GNG7: variants seen among roughly 807,000 people sequenced by gnomAD.
The protein encoded by GNG7 is G protein subunit gamma 7, also known as guanine nucleotide-binding protein G(I)/G(S)/G(O) subunit gamma-7.
Under a neutral mutation model 4.0 loss-of-function variants are expected in GNG7, and 1 was observed. The ratio of observed to expected loss-of-function variants is 0.25; its 90% CI spans 0.09 to 1.18. The LOEUF (loss-of-function observed/expected upper bound fraction) is 1.18, where lower values mean the gene tolerates loss of function less well. Among genes scored for constraint, GNG7 ranks in the 50% most tolerant of loss-of-function variants. GNG7 has a pLI of 0.50. For missense variants in GNG7, 86 were observed against 91.9 expected (o/e 0.94, Z 0.26); for synonymous variants, 34 against 36.9 (o/e 0.92, Z 0.29).
At chr19:2,621,856 C>G (rs1599426409) in intron 2 of GNG7, among the ~76,000 whole-genome samples, 2 of 152,068 alleles carry the variant, frequency 1.3e-5, no homozygotes, top group African/African-American at 4.8e-5. Context: ...CCTGTAGCGC[C>G]CAGGGGAGCA....
intron 2 of GNG7, among the ~76,000 whole-genome samples, chr19:2,635,638 A>C (rs1256793434): frequency 6.7e-6 from 1 of 149,612 alleles, no homozygotes. Flanking sequence ...GCTGTAGTGC[A>C]ATGGTGCAAT....
intron 3 of GNG7, among the ~76,000 whole-genome samples, chr19:2,528,613 C>G (rs1345087825): frequency 6.6e-6 from 1 of 152,118 alleles, no homozygotes; most frequent in Non-Finnish European, 1.5e-5. Context: ...GGAGTCTTCC[C>G]CCAGATGTGA....
chr19:2,673,052 C>G (rs915783558), intron 1 of GNG7, among the ~76,000 whole-genome samples: 1 of 149,360 alleles, frequency 6.7e-6, no homozygotes, highest in African/African-American at 2.5e-5. Context: ...GTCAGGAGAT[C>G]GAGACCATCC....
In GNG7 at chr19:2,683,655, A is replaced by C. The variant is rs1001237636; in HGVS notation, c.-135+18991T>G. The C allele has an allele frequency of 2.0e-5, 3 of 152,560 alleles. No homozygotes were observed. In the East Asian group the frequency reaches 5.8e-4, roughly 29 times the overall value. The allele number at this position is 152,560 out of a possible 1,614,324, so 9.5% of individuals were successfully genotyped here. On this transcript the variant is annotated intron_variant, in intron 1 of 4. Transcript: ENST00000382159. ...GTGACATCAGACAGGGAGAAGAAAC[A>C]GGGGAGCTGGAGCAGGCGGAGATGG...
At chr19:2,638,521 G>A (rs1471783615) in intron 2 of GNG7, among the ~76,000 whole-genome samples, 1 of 24,886 alleles carries the variant, frequency 4.0e-5, no homozygotes, top group African/African-American at 1.1e-4. Context: ...GAGGGGAGGG[G>A]AAGGGAAGAG....
At chr19:2,568,664 T>TAC (rs1227243933) in intron 2 of GNG7, among the ~76,000 whole-genome samples, 1 of 142,566 alleles carries the variant, frequency 7.0e-6, no homozygotes. Flanking sequence ...CATATACACA[T>TAC]ACACATACAC....
At chr19:2,638,233 TG>T (rs1372653833) in intron 2 of GNG7, among the ~76,000 whole-genome samples, 1 of 150,460 alleles carries the variant, frequency 6.6e-6, no homozygotes, top group Non-Finnish European at 1.5e-5. Flanking sequence ...CGTGGTGGCA[TG>T]CACCTGTAAT....
intron 2 of GNG7, among the ~76,000 whole-genome samples, chr19:2,581,117 C>T (rs1980489854): frequency 1.3e-5 from 2 of 152,080 alleles, no homozygotes; most frequent in South Asian, 4.2e-4. Context: ...GTCTTCCCCT[C>T]ATATCAGGCC....
At chr19:2,584,538 A>G (rs1442000954) in intron 2 of GNG7, among the ~76,000 whole-genome samples, 1 of 149,396 alleles carries the variant, frequency 6.7e-6, no homozygotes, top group Non-Finnish European at 1.5e-5. Context: ...TCAAGGCTGC[A>G]GTGAGGCATG....
intron 1 of GNG7, among the ~76,000 whole-genome samples, chr19:2,659,317 G>A (rs1301158786): frequency 2.0e-5 from 3 of 149,946 alleles, no homozygotes; most frequent in Non-Finnish European, 3.0e-5. Flanking sequence ...GGTGGCTCAC[G>A]TCTGTCATCC....
At chr19:2,586,024 C>A (rs1358197894) in intron 2 of GNG7, among the ~76,000 whole-genome samples, 7 of 152,176 alleles carry the variant, frequency 4.6e-5, no homozygotes, top group Non-Finnish European at 7.3e-5. Context: ...TTTTCAGTAT[C>A]CCTTTTTCTT....
chr19:2,650,183 C>T (rs868094911), intron 1 of GNG7, among the ~76,000 whole-genome samples: 18 of 125,988 alleles, frequency 1.4e-4, no homozygotes, highest in South Asian at 2.6e-4. Context: ...TCATAGGAAT[C>T]TTTTTTTTTT....
At chr19:2,648,570 G>A (rs981767466) in intron 1 of GNG7, among the ~76,000 whole-genome samples, 2 of 152,176 alleles carry the variant, frequency 1.3e-5, no homozygotes, top group African/African-American at 2.4e-5. Flanking sequence ...TCCGTTCTAC[G>A]AGCTCAGGGT....
At position 2,650,432 on chromosome 19, in the gene GNG7, G is replaced by A. The variant is rs554583434; in HGVS notation, c.-134-4152C>T. 2.0e-5 allele frequency among the ~76,000 whole-genome samples: 3 copies of A among 152,032 alleles called. No individual in the cohort carries two copies. In the South Asian group the frequency reaches 6.2e-4, roughly 32 times the overall value. On this transcript the variant is annotated intron_variant, in intron 1 of 4. Transcript: ENST00000382159. ...TTGAACTCCTGACCTCAGGTGATCC[G>A]CCAGCCTTGGCCTCCCGAAGTTGTT...
At position 2,512,215 on chromosome 19, in the gene GNG7, G is replaced by T. The variant is rs369250624; in HGVS notation, c.*2807C>A. The T allele has an allele frequency of 1.8e-5, 18 of 985,708 alleles. No homozygotes were observed. The highest frequency in any genetic ancestry group is 2.3e-4 in the East Asian group (2 of 8,816). 61.1% of individuals were successfully genotyped at this position (985,708 alleles called of 1,614,324 possible). A position where few individuals can be genotyped will look rare whatever the true frequency, so the allele number is the denominator to read the frequency against. On this transcript the variant is annotated 3_prime_UTR_variant, in exon 5 of 5. Coordinates refer to ENST00000382159, the MANE Select transcript of GNG7 (RefSeq NM_052847.3). This position sits in a 1 kb window ranked among gnomAD's most constrained non-coding sequence, Gnocchi z 4.7. ...GCTCCCCGTCTGGAGGTGCACGCGC[G>T]CTCCTGGAAACGCCCATAAAACATG...
intron 2 of GNG7, among the ~76,000 whole-genome samples, chr19:2,622,241 G>A (rs965484776): frequency 2.6e-5 from 4 of 151,940 alleles, no homozygotes; most frequent in Non-Finnish European, 1.5e-5. Flanking sequence ...CACCACACCC[G>A]GCTAATTTTT....
chr19:2,610,056 A>C (rs936704885), intron 2 of GNG7: 4 of 152,146 alleles, frequency 2.6e-5, no homozygotes, highest in African/African-American at 9.7e-5. Context: ...CCGGGTCAAG[A>C]TGATGACAGC....
intron 2 of GNG7, among the ~76,000 whole-genome samples, chr19:2,559,601 G>A (rs758613513): frequency 1.3e-5 from 2 of 151,904 alleles, no homozygotes; most frequent in African/African-American, 2.4e-5. Flanking sequence ...TGCAACCTCC[G>A]CCTCCTGGGT....
intron 2 of GNG7, among the ~76,000 whole-genome samples, chr19:2,612,956 T>TGTTG (rs1010843331): frequency 6.6e-6 from 1 of 152,082 alleles, no homozygotes; most frequent in African/African-American, 2.4e-5. Context: ...CCTCCCAAAG[T>TGTTG]GTTGAGATTA....
Sources: allele counts gnomAD v4.1 joint callset (sites outside exome capture counted in the v4.1 genomes callset), GRCh38; gene constraint gnomAD v4.1.1; non-coding constraint Gnocchi (gnomAD v3.1); transcripts MANE v1.5; gene names NCBI Gene and HGNC (gene_info 2026-07-23, HGNC 2026-07-21).